The following BMPER variants were observed in gnomAD, a reference collection of about 807,000 sequenced individuals.
BMPER encodes the protein BMP-binding endothelial regulator protein.
A neutral mutation model predicts 87.3 loss-of-function variants in BMPER; 45 were observed. That is an observed-to-expected ratio of 0.52 (90% confidence interval 0.41 to 0.66). The LOEUF is 0.66. BMPER is among the 30% of genes least tolerant of loss of function. BMPER has a pLI of 0.00. For synonymous variants in BMPER, 326 were observed against 316.2 expected (o/e 1.03, Z -0.33); for missense variants, 784 against 867.5 (o/e 0.90, Z 1.21).
At chr7:34,040,522 A>G (rs1032447669) in intron 6 of BMPER, among the ~76,000 whole-genome samples, 2 of 151,452 alleles carry the variant, frequency 1.3e-5, no homozygotes, top group Admixed American at 6.6e-5. Context: ...GAAGCTGTCA[A>G]TAATTTTTTT....
intron 13 of BMPER, among the ~76,000 whole-genome samples, chr7:34,106,516 C>G (rs1443390625): frequency 6.6e-6 from 1 of 152,174 alleles, no homozygotes; most frequent in Non-Finnish European, 1.5e-5. Context: ...TCTCTCCTTG[C>G]CATTCTCAAT....
At chr7:33,952,507 A>G (rs959479817) in intron 3 of BMPER, among the ~76,000 whole-genome samples, 2 of 152,220 alleles carry the variant, frequency 1.3e-5, no homozygotes, top group African/African-American at 2.4e-5. Flanking sequence ...GGGGTGCATC[A>G]TCAGAAACCC....
chr7:33,959,294 G>C (rs377546312), intron 3 of BMPER, among the ~76,000 whole-genome samples: 32 of 152,024 alleles, frequency 2.1e-4, no homozygotes, highest in African/African-American at 7.7e-4. Flanking sequence ...CCTTTTTCCT[G>C]TTGGAAGATT....
At chr7:34,027,078 G>T (rs1787376990) in intron 6 of BMPER, among the ~76,000 whole-genome samples, 1 of 151,988 alleles carries the variant, frequency 6.6e-6, no homozygotes, top group Non-Finnish European at 1.5e-5. Context: ...GCTAAACTTT[G>T]GTCTGCTTAT....
intron 6 of BMPER, among the ~76,000 whole-genome samples, chr7:34,026,907 G>A (rs1204587455): frequency 6.6e-6 from 1 of 151,972 alleles, no homozygotes; most frequent in African/African-American, 2.4e-5. Context: ...TGGCTTTGAT[G>A]GCCCATATTT....
intron 3 of BMPER, among the ~76,000 whole-genome samples, chr7:33,960,837 G>A (rs1326849680): frequency 6.6e-6 from 1 of 152,142 alleles, no homozygotes; most frequent in Non-Finnish European, 1.5e-5. Context: ...TTGGTGCCTA[G>A]TATTTTTTAC....
At chr7:34,050,145 C>G (rs533234270) in intron 7 of BMPER, among the ~76,000 whole-genome samples, 15 of 152,220 alleles carry the variant, frequency 9.9e-5, no homozygotes, top group Non-Finnish European at 1.8e-4. Flanking sequence ...GACTTAAGAC[C>G]TGGGTGTGCA....
chr7:33,967,189 C>T (rs1005869124), intron 4 of BMPER, among the ~76,000 whole-genome samples: 1 of 152,126 alleles, frequency 6.6e-6, no homozygotes, highest in African/African-American at 2.4e-5. Context: ...TTTCAAACTC[C>T]TCCTTTAAAA....
rs1390601096 is a variant in BMPER, at chr7:34,091,962, G to T, written c.1745+5870G>T. On this transcript the variant is annotated intron_variant, in intron 13 of 14. Transcript: ENST00000649409. ...TTTTAAGTTCTCTGGGGAATGGGGA[G>T]CCTCTTCTTTTTTGACCCTTTTGTA... Among the ~76,000 whole-genome samples the T allele has an allele frequency of 2.0e-5, 3 of 152,140 alleles. No homozygotes were observed. In the East Asian group the frequency reaches 5.8e-4, roughly 29 times the overall value.
intron 13 of BMPER, among the ~76,000 whole-genome samples, chr7:34,112,904 A>G (rs371541122): frequency 6.6e-6 from 1 of 152,152 alleles, no homozygotes. Flanking sequence ...GATTCTAAGT[A>G]TCACTGCAAT....
At chr7:34,150,534 A>T (rs1175753360) in intron 14 of BMPER, among the ~76,000 whole-genome samples, 3 of 152,226 alleles carry the variant, frequency 2.0e-5, no homozygotes, top group Non-Finnish European at 4.4e-5. Context: ...ATTACTCTGT[A>T]TAAATATGAT....
chr7:33,944,430 G>A (rs1382819358), intron 3 of BMPER, among the ~76,000 whole-genome samples: 2 of 152,156 alleles, frequency 1.3e-5, no homozygotes, highest in South Asian at 4.1e-4. Context: ...GCCTCCCAAA[G>A]TGCTGGGATT....
intron 13 of BMPER, among the ~76,000 whole-genome samples, chr7:34,101,783 G>A (rs964913269): frequency 5.7e-4 from 87 of 152,134 alleles, no homozygotes; most frequent in African/African-American, 2.1e-3. Context: ...TTCAGGACTG[G>A]GTAAGAGGCC....
chr7:34,017,476 A>G (rs1328515870), intron 6 of BMPER, among the ~76,000 whole-genome samples: 2 of 151,818 alleles, frequency 1.3e-5, no homozygotes, highest in South Asian at 2.1e-4. Flanking sequence ...CTTATTCACT[A>G]TCATGAGAAC....
At chr7:33,986,261 G>A (rs888117425) in intron 6 of BMPER, among the ~76,000 whole-genome samples, 5 of 152,020 alleles carry the variant, frequency 3.3e-5, no homozygotes, top group African/African-American at 1.2e-4. Flanking sequence ...TACTCTCCAA[G>A]TCTGGTTCTC....
chr7:34,058,098 G>A lies in BMPER; in HGVS notation c.967G>A (p.Ala323Thr). Residue 323 changes from alanine to threonine, a missense_variant, in exon 10 of 15, where the codon GCT becomes ACT. Ala to Thr is a moderately conservative substitution (Grantham distance 58). Transcript: ENST00000649409. ...GTCCTCTATCAATTGTACCATCTGT[G>A]CTTGTGTGAAAGGCAGGACGGAGTG... ...MWSSINCTIC[A>T]CVKGRTECRN... 6.2e-7 allele frequency: 1 copy of A among 1,614,132 alleles called. No individual in the cohort carries two copies. The highest frequency in any genetic ancestry group is 8.5e-7 in the Non-Finnish European group (1 of 1,180,024).
chr7:33,931,530 T>G (rs1355729811), intron 2 of BMPER, among the ~76,000 whole-genome samples: 7 of 152,244 alleles, frequency 4.6e-5, no homozygotes, highest in African/African-American at 1.7e-4. Context: ...TGGTATAATA[T>G]TGCCTGGGAG....
chr7:33,984,765 C>T (rs1585705268), intron 6 of BMPER, among the ~76,000 whole-genome samples: 1 of 152,188 alleles, frequency 6.6e-6, no homozygotes, highest in East Asian at 1.9e-4. Context: ...TTGCTTAAAT[C>T]TCACTTCGTT....
intron 6 of BMPER, among the ~76,000 whole-genome samples, chr7:33,995,544 G>T (rs78687189): frequency 0.031 from 4,694 of 152,156 alleles, 99 homozygotes; most frequent in Non-Finnish European, 0.047. Context: ...GCTCAGAAAT[G>T]GAAAGGCATT....
Sources: allele counts gnomAD v4.1 joint callset (sites outside exome capture counted in the v4.1 genomes callset), GRCh38; gene constraint gnomAD v4.1.1; transcripts MANE v1.5; gene names NCBI Gene and HGNC (gene_info 2026-07-23, HGNC 2026-07-21).